The following ASTN2 variants were observed in gnomAD, a reference collection of about 807,000 sequenced individuals.
ASTN2 encodes the protein astrotactin-2.
A neutral mutation model predicts 139.8 loss-of-function variants in ASTN2; 54 were observed. The observed-to-expected ratio is 0.39, with a 90% CI of 0.31 to 0.48. The LOEUF (loss-of-function observed/expected upper bound fraction) is 0.48, where lower values mean the gene tolerates loss of function less well. ASTN2 is among the 20% of genes least tolerant of loss of function. The probability of loss-of-function intolerance (pLI) is 0.95; values close to 1 mark genes in which losing one functional copy is unlikely to be tolerated. For synonymous variants in ASTN2, 756 were observed against 719.5 expected, an observed-to-expected ratio of 1.05 and a Z score of -0.81; for missense variants, 1,565 against 1,725.1, an observed-to-expected ratio of 0.91 and a Z score of 1.64.
At chr9:117,304,219 G>A (rs1587929907) in intron 1 of ASTN2, among the ~76,000 whole-genome samples, 1 of 152,178 alleles carries the variant, frequency 6.6e-6, no homozygotes, top group African/African-American at 2.4e-5. Flanking sequence ...GTTTTGGGGT[G>A]TTTGTTACAC....
At chr9:117,080,490 G>C (rs1828397852) in intron 5 of ASTN2, among the ~76,000 whole-genome samples, 1 of 152,036 alleles carries the variant, frequency 6.6e-6, no homozygotes, top group African/African-American at 2.4e-5. Context: ...ATAATGCCGA[G>C]TGAAAAAAAA....
rs537354455 is a variant in ASTN2, at chr9:117,123,987, C to T, written c.1168+17339G>A. Among the ~76,000 whole-genome samples, 9 of 152,232 alleles carry T rather than the reference C, an allele frequency of 5.9e-5. No individual in the cohort carries two copies. The East Asian group carries it at 1.2e-3, about 20-fold the overall frequency. On this transcript the variant is annotated intron_variant, in intron 4 of 22. Transcript: ENST00000313400. ...ACATGCCTGGCACGTAGCGTACACC[C>T]GAACAATATTTGTTGAATTGCATCG...
At chr9:116,797,177 G>A (rs1390716719) in intron 13 of ASTN2, among the ~76,000 whole-genome samples, 3 of 152,158 alleles carry the variant, frequency 2.0e-5, no homozygotes, top group African/African-American at 7.2e-5. Flanking sequence ...CTATGGCCTT[G>A]ACGGTGGTGA....
chr9:116,478,441 C>A lies in ASTN2; in HGVS notation c.3497+8918G>T, dbSNP rs536552259. On this transcript the variant is annotated intron_variant, in intron 20 of 22. Transcript: ENST00000313400. The stretch of plus-strand genomic sequence containing the variant: ...CTTTCCCTGGTGTGTCCTGGATAAA[C>A]CCTGGGCTGCAGCTCAGGCCTCTGG... Among the ~76,000 whole-genome samples, 10 of 152,244 alleles carry A rather than the reference C, an allele frequency of 6.6e-5. No individual in the cohort carries two copies. In the South Asian group the frequency reaches 2.1e-3, roughly 32 times the overall value.
chr9:117,060,029 G>A (rs1839193563), intron 5 of ASTN2, among the ~76,000 whole-genome samples: 1 of 152,074 alleles, frequency 6.6e-6, no homozygotes, highest in Non-Finnish European at 1.5e-5. Flanking sequence ...AGACGTGATA[G>A]GTCAGGCGTG....
At chr9:116,487,556 T>C in intron 19 of ASTN2, 56 bp from the exon 20 acceptor site, 1 of 1,547,794 alleles carries the variant, frequency 6.5e-7, no homozygotes, top group Non-Finnish European at 8.7e-7. Context: ...TGAGGAGACG[T>C]TTTTGCTGTC....
intron 4 of ASTN2, among the ~76,000 whole-genome samples, chr9:117,108,780 A>G (rs1375311899): frequency 2.6e-5 from 4 of 152,142 alleles, no homozygotes; most frequent in Non-Finnish European, 5.9e-5. Context: ...TATCTGTGGT[A>G]TATCCCTGAT....
intron 20 of ASTN2, among the ~76,000 whole-genome samples, chr9:116,462,438 G>A (rs1848515779): frequency 6.6e-6 from 1 of 152,110 alleles, no homozygotes; most frequent in South Asian, 2.1e-4. Context: ...AATTCTTTGG[G>A]AATCCCTGTC....
At chr9:116,682,643 T>C (rs1040762308) in intron 16 of ASTN2, among the ~76,000 whole-genome samples, 2 of 152,120 alleles carry the variant, frequency 1.3e-5, no homozygotes, top group Admixed American at 6.5e-5. Context: ...CCAACAATGA[T>C]AGACTGGATT....
intron 13 of ASTN2, among the ~76,000 whole-genome samples, chr9:116,747,479 A>C (rs1444942354): frequency 6.6e-6 from 1 of 151,950 alleles, no homozygotes; most frequent in Non-Finnish European, 1.5e-5. Context: ...TTTGTTTCCA[A>C]CCCTCTCAAC....
At chr9:116,814,310 C>A (rs980487367) in intron 12 of ASTN2, among the ~76,000 whole-genome samples, 1 of 152,088 alleles carries the variant, frequency 6.6e-6, no homozygotes, top group Non-Finnish European at 1.5e-5. Context: ...TCACCAACAC[C>A]CTCAGGATTG....
intron 4 of ASTN2, among the ~76,000 whole-genome samples, chr9:117,140,755 G>T (rs1269226799): frequency 2.6e-5 from 4 of 152,156 alleles, no homozygotes; most frequent in African/African-American, 9.7e-5. Flanking sequence ...TAAATGCTGG[G>T]TTAGGCACTG....
At chr9:116,987,374 G>A (rs1159588016) in intron 7 of ASTN2, among the ~76,000 whole-genome samples, 1 of 152,230 alleles carries the variant, frequency 6.6e-6, no homozygotes, top group East Asian at 1.9e-4. Context: ...TGGCCAGGCT[G>A]CTGAGAGGCT....
At chr9:117,387,926 C>G (rs1235770988) in intron 1 of ASTN2, among the ~76,000 whole-genome samples, 1 of 152,112 alleles carries the variant, frequency 6.6e-6, no homozygotes, top group Non-Finnish European at 1.5e-5. Context: ...AAGGCTAGAG[C>G]TGAAAGGGGC....
At chr9:117,344,118 T>C (rs1460090172) in intron 1 of ASTN2, among the ~76,000 whole-genome samples, 2 of 151,624 alleles carry the variant, frequency 1.3e-5, no homozygotes, top group South Asian at 2.1e-4. Context: ...GGAAAGGAGA[T>C]CTCTCCAGCA....
intron 11 of ASTN2, among the ~76,000 whole-genome samples, chr9:116,841,243 G>A (rs1160993351): frequency 6.6e-6 from 1 of 152,060 alleles, no homozygotes; most frequent in East Asian, 1.9e-4. Context: ...CAGGCGTGGC[G>A]GCGTGCACCT....
chr9:116,664,430 T>C (rs1169399354), intron 16 of ASTN2, among the ~76,000 whole-genome samples: 2 of 148,036 alleles, frequency 1.4e-5, no homozygotes, highest in Admixed American at 6.8e-5. Flanking sequence ...ATATAATATA[T>C]ATATATGTAT....
At chr9:117,133,311 T>C (rs2416590) in intron 4 of ASTN2, among the ~76,000 whole-genome samples, 85,230 of 151,992 alleles carry the variant, frequency 0.56, 23,853 homozygotes, top group East Asian at 0.68. Flanking sequence ...AGGTGACTGA[T>C]TGTATGATTT....
At chr9:117,303,274 T>C (rs150995169) in intron 1 of ASTN2, among the ~76,000 whole-genome samples, 1 of 152,278 alleles carries the variant, frequency 6.6e-6, no homozygotes, top group East Asian at 1.9e-4. Context: ...TATTGACTGA[T>C]ACAAGATTAA....
Sources: allele counts gnomAD v4.1 joint callset (sites outside exome capture counted in the v4.1 genomes callset), GRCh38; gene constraint gnomAD v4.1.1; transcripts MANE v1.5; gene names NCBI Gene and HGNC (gene_info 2026-07-23, HGNC 2026-07-21).